FBXW11: variants seen among roughly 807,000 people sequenced by gnomAD.
The protein encoded by FBXW11 is F-box and WD repeat domain containing 11, also known as F-box/WD repeat-containing protein 11.
FBXW11 carries 19 observed loss-of-function variants against 77.6 expected under a neutral mutation model. The observed-to-expected ratio is 0.24, with a 90% CI of 0.17 to 0.36. The LOEUF (loss-of-function observed/expected upper bound fraction) is 0.36, where lower values mean the gene tolerates loss of function less well. Among genes scored for constraint, FBXW11 ranks in the 10% least tolerant of loss-of-function variants. The probability of loss-of-function intolerance (pLI) is 1.00; values close to 1 mark genes in which losing one functional copy is unlikely to be tolerated. For synonymous variants in FBXW11, 235 were observed against 249.4 expected, an observed-to-expected ratio of 0.94 and a Z score of 0.54; for missense variants, 334 against 704.2, an observed-to-expected ratio of 0.47 and a Z score of 5.95.
chr5:171,893,421 C>CAAAAAAAAAAAA (rs397999920), intron 6 of FBXW11, among the ~76,000 whole-genome samples: 745 of 39,820 alleles, frequency 0.019, 208 homozygotes, highest in Middle Eastern at 0.14. Flanking sequence ...ACTTCAAAAC[C>CAAAAAAAAAAAA]AAAAAAAAAA....
At chr5:171,926,027 A>C (rs1442552754) in intron 2 of FBXW11, among the ~76,000 whole-genome samples, 3 of 152,264 alleles carry the variant, frequency 2.0e-5, no homozygotes, top group Non-Finnish European at 4.4e-5. Flanking sequence ...TACTATTTAC[A>C]AAAGCAACCA....
rs1374457410 is a variant in FBXW11 at position 171,862,067 on chromosome 5, T to A, written c.*2060A>T. The A allele has an allele frequency of 6.6e-6, 1 of 152,602 alleles. No individual in the cohort carries two copies. The highest frequency in any genetic ancestry group is 1.5e-5 in the Non-Finnish European group (1 of 68,040). 9.5% of individuals were successfully genotyped at this position (152,602 alleles called of 1,614,324 possible). ...CCAAGGAACGAGGGGAACTTCTATA[T>A]TAAACATGCAAAAACAACAAAAAAT... On this transcript the variant is annotated 3_prime_UTR_variant, in exon 14 of 14. Transcript: ENST00000517395.
intron 2 of FBXW11, among the ~76,000 whole-genome samples, chr5:171,943,846 A>G (rs1762869099): frequency 6.6e-6 from 1 of 152,226 alleles, no homozygotes; most frequent in African/African-American, 2.4e-5. Flanking sequence ...TTGAATTTAG[A>G]GCATGCTACT....
At chr5:171,947,850 G>A (rs1010497941) in intron 2 of FBXW11, among the ~76,000 whole-genome samples, 4 of 152,174 alleles carry the variant, frequency 2.6e-5, no homozygotes, top group South Asian at 4.2e-4. Context: ...CTGGGAGGTC[G>A]ACGCTATAGT....
At chr5:171,929,216 T>C (rs983006484) in intron 2 of FBXW11, among the ~76,000 whole-genome samples, 2 of 150,982 alleles carry the variant, frequency 1.3e-5, no homozygotes, top group Admixed American at 1.3e-4. Context: ...TAAAAATATT[T>C]AAAAAATGAG....
intron 8 of FBXW11, among the ~76,000 whole-genome samples, chr5:171,877,239 T>C (rs566813069): frequency 1.3e-4 from 20 of 152,190 alleles, no homozygotes; most frequent in African/African-American, 4.8e-4. Flanking sequence ...TTCCTCTAGA[T>C]AGTAGATTTT....
intron 2 of FBXW11, among the ~76,000 whole-genome samples, chr5:171,928,347 A>C (rs1187282536): frequency 1.3e-5 from 2 of 152,244 alleles, no homozygotes; most frequent in Admixed American, 6.5e-5. Context: ...GATTTAATGC[A>C]ATCCCTAAAA....
At chr5:171,932,835 T>C (rs1762283212) in intron 2 of FBXW11, among the ~76,000 whole-genome samples, 2 of 150,686 alleles carry the variant, frequency 1.3e-5, no homozygotes, top group Non-Finnish European at 3.0e-5. Context: ...TAAACTGTGG[T>C]AGGGCCAGGC....
chr5:171,949,779 A>G (rs1271125859), intron 2 of FBXW11, among the ~76,000 whole-genome samples: 1 of 152,326 alleles, frequency 6.6e-6, no homozygotes, highest in Non-Finnish European at 1.5e-5. Flanking sequence ...TTATAACAAG[A>G]TACCATTTCT....
rs115128001 is a variant in FBXW11, at chr5:171,976,109, G to A, written c.46-18411C>T. ...AGAAGGAGGGGAAGGCAGCAGTTAA[G>A]GCCATGACAACTCCTTCAAAATGAT... On this transcript the variant is annotated intron_variant, in intron 1 of 13. Coordinates refer to ENST00000517395, the MANE Select transcript of FBXW11 (RefSeq NM_001378974.1). Among the ~76,000 whole-genome samples, 698 of 152,184 alleles carry A rather than the reference G, an allele frequency of 4.6e-3. 8 individuals carry two copies. The highest frequency in any genetic ancestry group is 0.016 in the African/African-American group (679 of 41,518).
At chr5:171,917,063 G>A (rs1761303231) in intron 2 of FBXW11, among the ~76,000 whole-genome samples, 1 of 152,088 alleles carries the variant, frequency 6.6e-6, no homozygotes, top group African/African-American at 2.4e-5. Context: ...TGGGACTACG[G>A]GCACACACCA....
At chr5:171,963,426 T>A (rs1764014406) in intron 1 of FBXW11, among the ~76,000 whole-genome samples, 1 of 152,198 alleles carries the variant, frequency 6.6e-6, no homozygotes, top group South Asian at 2.1e-4. Flanking sequence ...AAGTGTGAGA[T>A]GAGAAAGGCT....
intron 2 of FBXW11, among the ~76,000 whole-genome samples, chr5:171,931,317 A>G (rs953037689): frequency 5.3e-5 from 8 of 152,286 alleles, no homozygotes; most frequent in Non-Finnish European, 1.0e-4. Flanking sequence ...CACGAAAGTG[A>G]AAGTGTGGTA....
intron 1 of FBXW11, among the ~76,000 whole-genome samples, chr5:171,971,666 A>G (rs1477704492): frequency 6.6e-6 from 1 of 152,220 alleles, no homozygotes; most frequent in Non-Finnish European, 1.5e-5. Context: ...TGAACTGAGA[A>G]AAAGGGAAAA....
At chr5:171,985,786 T>C (rs1765406018) in intron 1 of FBXW11, among the ~76,000 whole-genome samples, 1 of 151,692 alleles carries the variant, frequency 6.6e-6, no homozygotes, top group Non-Finnish European at 1.5e-5. Flanking sequence ...AAATAAAATA[T>C]GATTTTAAAA....
At chr5:171,939,440 T>C (rs1425587856) in intron 2 of FBXW11, among the ~76,000 whole-genome samples, 1 of 152,062 alleles carries the variant, frequency 6.6e-6, no homozygotes, top group African/African-American at 2.4e-5. Flanking sequence ...GCTACACCTG[T>C]AATCCCAGCA....
At chr5:171,907,742 T>C (rs1760621935) in intron 4 of FBXW11, among the ~76,000 whole-genome samples, 4 of 152,204 alleles carry the variant, frequency 2.6e-5, no homozygotes, top group Admixed American at 2.0e-4. Flanking sequence ...ATATGGACAA[T>C]GCCTTAACAT....
At chr5:171,882,580 C>T (rs1450346830) in intron 7 of FBXW11, among the ~76,000 whole-genome samples, 2 of 152,216 alleles carry the variant, frequency 1.3e-5, no homozygotes, top group Non-Finnish European at 2.9e-5. Context: ...GTAGGGATTA[C>T]AGACGTGAAC....
intron 1 of FBXW11, among the ~76,000 whole-genome samples, chr5:171,980,308 A>C (rs1765071864): frequency 6.6e-6 from 1 of 152,226 alleles, no homozygotes. Flanking sequence ...AATAAATAAA[A>C]TTACCTTGAA....
Sources: gnomAD v4.1 joint callset for allele counts (sites outside exome capture counted in the v4.1 genomes callset) on GRCh38, gnomAD v4.1.1 for gene constraint, MANE v1.5 for transcripts, NCBI Gene and HGNC (gene_info 2026-07-23, HGNC 2026-07-21) for gene names.